Variants in TBC1D4 observed in about 807,000 individuals in gnomAD.
The protein encoded by TBC1D4 is TBC1 domain family member 4.
In TBC1D4, 121 loss-of-function variants were observed where a neutral mutation model predicts 142.5. The ratio of observed to expected loss-of-function variants is 0.85; its 90% CI spans 0.73 to 0.99. The LOEUF (loss-of-function observed/expected upper bound fraction) is 0.99, where lower values mean the gene tolerates loss of function less well. Ranked by LOEUF, TBC1D4 falls within the 50% of genes least tolerant of loss-of-function variation. TBC1D4 has a pLI of 0.00. For missense variants in TBC1D4, 1,475 were observed against 1,606.6 expected, an observed-to-expected ratio of 0.92 and a Z score of 1.40; for synonymous variants, 630 against 628.2, an observed-to-expected ratio of 1.00 and a Z score of -0.04.
chr13:75,349,084 A>G, intron 5 of TBC1D4, 86 bp downstream of exon 5: 1 of 1,600,572 alleles, frequency 6.2e-7, no homozygotes, highest in Non-Finnish European at 8.5e-7. Context: ...ATCGAAACAA[A>G]GAACTATTCA....
chr13:75,317,749 C>T (rs7987937), intron 12 of TBC1D4, among the ~76,000 whole-genome samples: 112,001 of 152,066 alleles, frequency 0.74, 44,339 homozygotes, highest in South Asian at 0.93. Flanking sequence ...AGGAAGGAAA[C>T]ATAACTTGGA....
At chr13:75,465,093 T>C (rs2138299210) in intron 1 of TBC1D4, among the ~76,000 whole-genome samples, 1 of 152,262 alleles carries the variant, frequency 6.6e-6, no homozygotes, top group South Asian at 2.1e-4. Flanking sequence ...AATCTGCACA[T>C]TTTGCCATCC....
intron 1 of TBC1D4, among the ~76,000 whole-genome samples, chr13:75,471,731 T>C (rs923904755): frequency 3.1e-5 from 2 of 65,504 alleles, no homozygotes; most frequent in African/African-American, 8.4e-5. Flanking sequence ...ACGGTGAGAC[T>C]GTCTCAAAAA....
chr13:75,334,321 G>A (rs796690687), intron 8 of TBC1D4, among the ~76,000 whole-genome samples: 18 of 152,030 alleles, frequency 1.2e-4, no homozygotes, highest in African/African-American at 4.3e-4. Context: ...ACACCAAGAT[G>A]TTCTGGGATC....
At chr13:75,441,904 A>G (rs141763577) in intron 1 of TBC1D4, among the ~76,000 whole-genome samples, 37 of 152,368 alleles carry the variant, frequency 2.4e-4, no homozygotes, top group African/African-American at 7.9e-4. Context: ...AAGACAAATT[A>G]GACTCTGTAA....
chr13:75,454,594 T>C (rs1175306888), intron 1 of TBC1D4, among the ~76,000 whole-genome samples: 3 of 152,248 alleles, frequency 2.0e-5, no homozygotes, highest in East Asian at 3.8e-4. Flanking sequence ...TACCTTGCTA[T>C]ATTTATTCAG....
chr13:75,475,760 A>C (rs1383423924), intron 1 of TBC1D4, among the ~76,000 whole-genome samples: 1 of 152,236 alleles, frequency 6.6e-6, no homozygotes, highest in Non-Finnish European at 1.5e-5. Context: ...TCAGGCTGTA[A>C]ATCAAGCTTT....
rs1391532113 is a variant in TBC1D4 at position 75,286,651 on chromosome 13, C to T, written c.*141G>A. On this transcript the variant is annotated 3_prime_UTR_variant, in exon 21 of 21. Transcript: ENST00000377636. Reference sequence around the variant, plus strand: ...GGCATGCTCTGATGAGCACGAGGTCCACCTGCTGTGACTAGGCGCTCAGCA... The same window carrying T: ...GGCATGCTCTGATGAGCACGAGGTCTACCTGCTGTGACTAGGCGCTCAGCA... 6.0e-6 allele frequency: 5 copies of T among 826,948 alleles called. No individual in the cohort carries two copies. The East Asian group carries it at 1.1e-4, about 18-fold the overall frequency. 51.2% of individuals were successfully genotyped at this position (826,948 alleles called of 1,614,324 possible).
At chr13:75,400,319 A>G (rs1054577984) in intron 1 of TBC1D4, among the ~76,000 whole-genome samples, 3 of 151,676 alleles carry the variant, frequency 2.0e-5, no homozygotes, top group African/African-American at 7.3e-5. Context: ...GGTTCCCATC[A>G]TTTTTTGCAT....
intron 12 of TBC1D4, among the ~76,000 whole-genome samples, chr13:75,314,142 T>C (rs1323907924): frequency 1.1e-4 from 17 of 152,202 alleles, no homozygotes; most frequent in Admixed American, 1.3e-4. Context: ...ACCAATTATA[T>C]TTGCTGCTGG....
chr13:75,310,715 G>T (rs1877663945), intron 13 of TBC1D4, among the ~76,000 whole-genome samples: 1 of 152,002 alleles, frequency 6.6e-6, no homozygotes, highest in Non-Finnish European at 1.5e-5. Context: ...CGTGACTCTG[G>T]GGTACAATGT....
At chr13:75,290,002 C>T (rs1017029383) in intron 19 of TBC1D4, among the ~76,000 whole-genome samples, 1 of 152,104 alleles carries the variant, frequency 6.6e-6, no homozygotes, top group African/African-American at 2.4e-5. Flanking sequence ...CCTCAAATAA[C>T]CATCATCTTT....
intron 1 of TBC1D4, among the ~76,000 whole-genome samples, chr13:75,450,879 C>T (rs536353990): frequency 2.4e-4 from 36 of 152,222 alleles, no homozygotes; most frequent in Middle Eastern, 3.4e-3. Context: ...TGAGCCCCCT[C>T]GTTAGCATAA....
intron 1 of TBC1D4, among the ~76,000 whole-genome samples, chr13:75,370,575 CAGG>C (rs1039710067): frequency 5.9e-5 from 9 of 151,982 alleles, no homozygotes; most frequent in African/African-American, 1.9e-4. Context: ...ATGTGAGGTC[CAGG>C]AGAAGGAGAG....
chr13:75,361,532 C>A (rs1882504427), intron 2 of TBC1D4, among the ~76,000 whole-genome samples: 1 of 152,160 alleles, frequency 6.6e-6, no homozygotes, highest in Non-Finnish European at 1.5e-5. Context: ...GGCACGCCCC[C>A]ACCACATCCG....
Position 75,283,545 on chromosome 13 carries a change from G to C in TBC1D4, c.*3247C>G, listed in dbSNP as rs1593847041. ...ACAAATATACATGAGAATACTCCAA[G>C]AGATGCATATTTTATATAAAAACAT... is the stretch of plus-strand genomic sequence containing the variant. On this transcript the variant is annotated 3_prime_UTR_variant, in exon 21 of 21. Transcript: ENST00000377636. 6.6e-6 allele frequency among the ~76,000 whole-genome samples: 1 copy of C among 152,280 alleles called. No homozygotes were observed. Among genetic ancestry groups the C allele is most frequent in the African/African-American group, 2.4e-5 (1 of 41,548 alleles).
chr13:75,471,156 AATAT>A (rs66849176), intron 1 of TBC1D4, among the ~76,000 whole-genome samples: 1 of 150,262 alleles, frequency 6.7e-6, no homozygotes, highest in Admixed American at 6.7e-5. Flanking sequence ...TTAATTTTTA[AATAT>A]ATATATATAT....
At chr13:75,367,756 AC>A (rs1002942356) in intron 1 of TBC1D4, among the ~76,000 whole-genome samples, 3 of 51,422 alleles carry the variant, frequency 5.8e-5, no homozygotes, top group Non-Finnish European at 1.1e-4. Flanking sequence ...TCCAGGCAAC[AC>A]GGGGATGATG....
At chr13:75,410,041 A>G (rs1885554540) in intron 1 of TBC1D4, among the ~76,000 whole-genome samples, 1 of 152,230 alleles carries the variant, frequency 6.6e-6, no homozygotes, top group South Asian at 2.1e-4. Context: ...TTACCTTAAA[A>G]CTCAGTTGCC....
Sources: allele counts gnomAD v4.1 joint callset (sites outside exome capture counted in the v4.1 genomes callset), GRCh38; gene constraint gnomAD v4.1.1; transcripts MANE v1.5; gene names NCBI Gene and HGNC (gene_info 2026-07-23, HGNC 2026-07-21).